Variants in SORCS3 observed in about 807,000 individuals in gnomAD.
SORCS3 encodes sortilin related VPS10 domain containing receptor 3, also known as VPS10 domain-containing receptor SorCS3.
In SORCS3, 57 loss-of-function variants were observed where a neutral mutation model predicts 146.3. The ratio of observed to expected loss-of-function variants is 0.39; its 90% confidence interval spans 0.31 to 0.49. The LOEUF (loss-of-function observed/expected upper bound fraction) is 0.49, where lower values mean the gene tolerates loss of function less well. Ranked by LOEUF, SORCS3 falls within the 20% of genes least tolerant of loss-of-function variation. The pLI, the probability that SORCS3 is intolerant of heterozygous loss-of-function variation, is 0.92. For missense variants in SORCS3, 1,341 were observed against 1,575.5 expected (o/e 0.85, Z 2.52); for synonymous variants, 653 against 618.5 (o/e 1.06, Z -0.83).
chr10:104,764,085 A>G (rs769783394), intron 1 of SORCS3, among the ~76,000 whole-genome samples: 14 of 151,790 alleles, frequency 9.2e-5, no homozygotes, highest in Admixed American at 2.6e-4. Context: ...TTAATTTTAC[A>G]TAGTTTTCTG....
At chr10:105,054,734 G>C (rs566456015) in intron 5 of SORCS3, among the ~76,000 whole-genome samples, 1 of 152,006 alleles carries the variant, frequency 6.6e-6, no homozygotes, top group South Asian at 2.1e-4. Flanking sequence ...CGCAGCTTTC[G>C]TTTTACTGGA....
intron 3 of SORCS3, among the ~76,000 whole-genome samples, chr10:104,932,866 A>G (rs778553936): frequency 6.6e-6 from 1 of 151,838 alleles, no homozygotes; most frequent in Non-Finnish European, 1.5e-5. Context: ...TATTCTTTTT[A>G]ATTTTCTTTT....
chr10:105,113,308 A>T (rs992431132), intron 7 of SORCS3, among the ~76,000 whole-genome samples: 2 of 152,216 alleles, frequency 1.3e-5, no homozygotes, highest in African/African-American at 4.8e-5. Flanking sequence ...TGATGCACAT[A>T]TTTAATGTGC....
At chr10:105,156,721 C>T (rs1360759755) in intron 9 of SORCS3, among the ~76,000 whole-genome samples, 1 of 152,188 alleles carries the variant, frequency 6.6e-6, no homozygotes, top group Non-Finnish European at 1.5e-5. Context: ...ATCACAATGC[C>T]TCAACTTCCA....
chr10:104,911,258 A>T (rs887221691), intron 2 of SORCS3, among the ~76,000 whole-genome samples: 2 of 152,228 alleles, frequency 1.3e-5, no homozygotes, highest in Admixed American at 1.3e-4. Flanking sequence ...TGTTGGTTCC[A>T]TAGGCTCCCA....
At chr10:104,897,788 G>T (rs1228216256) in intron 2 of SORCS3, among the ~76,000 whole-genome samples, 2 of 152,188 alleles carry the variant, frequency 1.3e-5, no homozygotes, top group African/African-American at 4.8e-5. Context: ...GGAATGGAAT[G>T]CTTTGAGCAA....
intron 16 of SORCS3, among the ~76,000 whole-genome samples, chr10:105,208,104 G>A (rs544065753): frequency 2.6e-5 from 4 of 152,176 alleles, no homozygotes; most frequent in Non-Finnish European, 4.4e-5. Flanking sequence ...TACTTTGGGA[G>A]GCTGAGGTGG....
intron 19 of SORCS3, among the ~76,000 whole-genome samples, chr10:105,218,842 C>T (rs996073286): frequency 1.3e-5 from 2 of 152,068 alleles, no homozygotes; most frequent in Admixed American, 6.6e-5. Flanking sequence ...TGGTGAAACC[C>T]GTCTCTACTA....
intron 1 of SORCS3, among the ~76,000 whole-genome samples, chr10:104,742,296 T>C (rs2016857646): frequency 1.3e-5 from 2 of 152,178 alleles, no homozygotes; most frequent in Non-Finnish European, 2.9e-5. Flanking sequence ...ATGTGCAAAG[T>C]TTTGCATTTG....
intron 2 of SORCS3, among the ~76,000 whole-genome samples, chr10:104,860,601 AAAC>A (rs1249379432): frequency 2.6e-5 from 4 of 152,166 alleles, no homozygotes; most frequent in African/African-American, 9.7e-5. Flanking sequence ...AAAAAAATGA[AAAC>A]AACAACAGCA....
At chr10:104,973,479 C>G (rs1159371305) in intron 3 of SORCS3, among the ~76,000 whole-genome samples, 18 of 151,948 alleles carry the variant, frequency 1.2e-4, no homozygotes, top group East Asian at 7.7e-4. Context: ...TAGTTTATTT[C>G]TGTAGAGGTG....
intron 18 of SORCS3, among the ~76,000 whole-genome samples, chr10:105,216,042 T>C (rs1272827984): frequency 6.6e-6 from 1 of 151,990 alleles, no homozygotes; most frequent in East Asian, 1.9e-4. Context: ...AAGCTAAGTG[T>C]TGGCTTGGGG....
intron 14 of SORCS3, among the ~76,000 whole-genome samples, chr10:105,188,557 A>G (rs2056493265): frequency 6.6e-6 from 1 of 152,206 alleles, no homozygotes; most frequent in Non-Finnish European, 1.5e-5. Context: ...AATAAGAGGT[A>G]AGAATGGGAA....
chr10:105,114,613 A>G (rs925306544), intron 7 of SORCS3, among the ~76,000 whole-genome samples: 3 of 152,134 alleles, frequency 2.0e-5, no homozygotes, highest in African/African-American at 7.2e-5. Flanking sequence ...GTGCTGATTC[A>G]GGCCAGGAGA....
chr10:104,976,451 A>G (rs2054897907), intron 3 of SORCS3, among the ~76,000 whole-genome samples: 1 of 152,224 alleles, frequency 6.6e-6, no homozygotes, highest in Non-Finnish European at 1.5e-5. Context: ...GAACACTTTT[A>G]CACTGTTGGG....
chr10:105,154,167 G>A (rs2056189113), intron 9 of SORCS3, among the ~76,000 whole-genome samples: 1 of 151,060 alleles, frequency 6.6e-6, no homozygotes, highest in South Asian at 2.1e-4. Context: ...TCTCCCTAGA[G>A]CCTGTCATCT....
intron 6 of SORCS3, among the ~76,000 whole-genome samples, chr10:105,096,433 C>T (rs776575876): frequency 1.3e-5 from 2 of 152,054 alleles, no homozygotes; most frequent in Non-Finnish European, 2.9e-5. Flanking sequence ...ACTGAGCTGC[C>T]GGGTATATAC....
chr10:105,012,043 G>A (rs996159579), intron 4 of SORCS3, among the ~76,000 whole-genome samples: 1 of 152,172 alleles, frequency 6.6e-6, no homozygotes, highest in African/African-American at 2.4e-5. Flanking sequence ...TCTCATCAAG[G>A]CAGTGACATT....
rs554801763 is a variant in SORCS3 at position 104,841,869 on chromosome 10, G to A, written c.628-923G>A. Among the ~76,000 whole-genome samples the A allele has an allele frequency of 4.6e-5, 7 of 152,300 alleles. No homozygotes were observed. The South Asian group carries it at 1.0e-3, about 23-fold the overall frequency. ...CAATTATGTGTAACTGGATTATCAC[G>A]CGTGCAGGCAGGCAATGTGTATTAT... On this transcript the variant is annotated intron_variant, in intron 1 of 26. Transcript: ENST00000369701.
Sources: gnomAD v4.1 joint callset for allele counts (sites outside exome capture counted in the v4.1 genomes callset) on GRCh38, gnomAD v4.1.1 for gene constraint, MANE v1.5 for transcripts, NCBI Gene and HGNC (gene_info 2026-07-23, HGNC 2026-07-21) for gene names.